CLSTN3: variants seen among roughly 807,000 people sequenced by gnomAD.
The protein encoded by CLSTN3 is calsyntenin 3, also known as calsyntenin-3.
A neutral mutation model predicts 95.9 loss-of-function variants in CLSTN3; 36 were observed. The ratio of observed to expected loss-of-function variants is 0.38; its 90% CI spans 0.29 to 0.50. The LOEUF (loss-of-function observed/expected upper bound fraction) is 0.50, where lower values mean the gene tolerates loss of function less well. Among genes scored for constraint, CLSTN3 ranks in the 20% least tolerant of loss-of-function variants. The pLI, the probability that CLSTN3 is intolerant of heterozygous loss-of-function variation, is 0.95. For missense variants in CLSTN3, 1,084 were observed against 1,268.8 expected (o/e 0.85, Z 2.21); for synonymous variants, 481 against 504.0 (o/e 0.95, Z 0.61).
rs1396713284 is a variant in CLSTN3, at chr12:7,157,771, G to A, written c.2730+80G>A. ...GGTGAGGACTCCTGAGGAGGGGCAG[G>A]CCTGGGTGGAGGCTGTTCGCAGAGC... On this transcript the variant is annotated intron_variant, in intron 17 of 17. Transcript: ENST00000266546. The surrounding 1 kb of genome is among the most constrained non-coding windows in gnomAD (Gnocchi z 5.9). 5 of 1,510,670 alleles carry A rather than the reference G, an allele frequency of 3.3e-6. No homozygotes were observed. In the South Asian group the frequency reaches 6.2e-5, roughly 19 times the overall value. 93.6% of individuals were successfully genotyped at this position (1,510,670 alleles called of 1,614,324 possible). A position where few individuals can be genotyped will look rare whatever the true frequency, so the allele number is the denominator to read the frequency against.
At chr12:7,147,014 C>T (rs1939631378) in intron 12 of CLSTN3, among the ~76,000 whole-genome samples, 3 of 152,282 alleles carry the variant, frequency 2.0e-5, no homozygotes, top group Middle Eastern at 6.8e-3. Flanking sequence ...GATGCCTTCT[C>T]CCTTTTTACT....
upstream of CLSTN3, chr12:7,130,314 C>CCG: frequency 4.5e-6 from 4 of 898,742 alleles, no homozygotes; most frequent in African/African-American, 6.2e-5. Context: ...CCCCCCCCCT[C>CCG]CCAGTCACCT....
upstream of CLSTN3, chr12:7,129,757 ATG>A (rs1407570729): frequency 1.0e-6 from 1 of 985,318 alleles, no homozygotes; most frequent in Non-Finnish European, 1.2e-6. This position sits in a 1 kb window ranked among gnomAD's most constrained non-coding sequence, Gnocchi z 5.5. Context: ...TTGGTTCATC[ATG>A]GTTTAAGGTG....
In CLSTN3 at chr12:7,141,270, C is replaced by G; in HGVS notation, c.1352C>G (p.Ala451Gly). Residue 451 changes from alanine (A) to glycine (G), a missense_variant, in exon 9 of 18, where the codon GCT becomes GGT. Transcript: ENST00000266546. The surrounding 1 kb of genome is among the most constrained non-coding windows in gnomAD (Gnocchi z 4.1). Reference sequence around the variant, plus strand: ...TGTGATGATGAGTGGCACCACTACGCTCTGAACCTCGAGTTCCCCACAGTC... The same window carrying G: ...TGTGATGATGAGTGGCACCACTACGGTCTGAACCTCGAGTTCCCCACAGTC... ...QVCDDEWHHY[A>G]LNLEFPTVTL... 2 of 1,614,186 alleles carry G rather than the reference C, an allele frequency of 1.2e-6. No homozygotes were observed. Among genetic ancestry groups the G allele is most frequent in the Non-Finnish European group, 1.7e-6 (2 of 1,180,028 alleles).
At chr12:7,129,820 C>T, upstream of CLSTN3, 1 of 985,648 alleles carries the variant, frequency 1.0e-6, no homozygotes, top group Non-Finnish European at 1.2e-6. This position sits in a 1 kb window ranked among gnomAD's most constrained non-coding sequence, Gnocchi z 5.5. Context: ...GGCGGCCGGT[C>T]CCGACAGGTG....
Position 7,157,650 on chromosome 12 carries a change from T to C in CLSTN3, c.2689T>C (p.Trp897Arg). The C allele has an allele frequency of 6.2e-7, 1 of 1,606,216 alleles. No homozygotes were observed. Among genetic ancestry groups the C allele is most frequent in the Non-Finnish European group, 8.5e-7 (1 of 1,176,246 alleles). ...TGACCCCAAGGACCCAGACCTCTTC[T>C]GGGATGACTCAGCTCTCACCATCAT... ...SSDPKDPDLF[W>R]DDSALTIIVN... Residue 897 changes from tryptophan to arginine, a missense_variant, in exon 17 of 18, where the codon TGG becomes CGG. Physicochemically the swap from Trp to Arg is moderately radical, Grantham distance 101 (BLOSUM62 -3). Coordinates refer to ENST00000266546, the MANE Select transcript of CLSTN3 (RefSeq NM_014718.4). This position sits in a 1 kb window ranked among gnomAD's most constrained non-coding sequence, Gnocchi z 5.9.
Position 7,133,937 on chromosome 12 carries a change from G to A in CLSTN3, c.383+169G>A. On this transcript the variant is annotated intron_variant, in intron 3 of 17. Coordinates refer to ENST00000266546, the MANE Select transcript of CLSTN3 (RefSeq NM_014718.4). The surrounding 1 kb of genome is among the most constrained non-coding windows in gnomAD (Gnocchi z 4.7). Reference sequence around the variant, plus strand: ...TGTTCCTAGGATTTAGGGACTTTCAGGCAAGGTGACAGAAACGTATAGTAG... The same window carrying A: ...TGTTCCTAGGATTTAGGGACTTTCAAGCAAGGTGACAGAAACGTATAGTAG... 1 of 591,810 alleles carries A rather than the reference G, an allele frequency of 1.7e-6. No homozygotes were observed. Among genetic ancestry groups the A allele is most frequent in the South Asian group, 2.3e-5 (1 of 42,790 alleles). 36.7% of individuals were successfully genotyped at this position (591,810 alleles called of 1,614,324 possible).
Position 7,158,187 on chromosome 12 carries a change from A to T in CLSTN3, c.*106A>T. The stretch of plus-strand genomic sequence containing the variant: ...GGAACACAGAGACCAAGAGGGAGAG[A>T]GGCTTCAGAACCAGTCCTCCTTTCA... On this transcript the variant is annotated 3_prime_UTR_variant, in exon 18 of 18. Coordinates refer to ENST00000266546, the MANE Select transcript of CLSTN3 (RefSeq NM_014718.4). The T allele has an allele frequency of 7.4e-7, 1 of 1,345,234 alleles. No homozygotes were observed. The highest frequency in any genetic ancestry group is 1.5e-5 in the African/African-American group (1 of 67,618). The allele number at this position is 1,345,234 out of a possible 1,614,324, so 83.3% of individuals were successfully genotyped here. A position where few individuals can be genotyped will look rare whatever the true frequency, so the allele number is the denominator to read the frequency against.
rs1939687987 is a variant in CLSTN3 at position 7,149,585 on chromosome 12, G to T, written c.2137G>T (p.Val713Leu). 1 of 1,614,154 alleles carries T rather than the reference G, an allele frequency of 6.2e-7. No individual in the cohort carries two copies. The highest frequency in any genetic ancestry group is 1.3e-5 in the African/African-American group (1 of 75,022). ...HNLDGCEISL[V>L]GDDLDPERES... ...CCTGGATGGCTGTGAAATTTCTCTGGTGGGGGATGACCTGGATCCCGAGCG... is the reference window on the plus strand; with the variant it reads ...CCTGGATGGCTGTGAAATTTCTCTGTTGGGGGATGACCTGGATCCCGAGCG... The change falls in exon 14 of 18, where the codon GTG becomes TTG. Residue 713 changes from valine to leucine, a missense_variant. Coordinates refer to ENST00000266546, the MANE Select transcript of CLSTN3 (RefSeq NM_014718.4). This position sits in a 1 kb window ranked among gnomAD's most constrained non-coding sequence, Gnocchi z 4.5.
chr12:7,142,771 C>A, intron 10 of CLSTN3, 98 bp from the exon 11 acceptor site: 4 of 655,558 alleles, frequency 6.1e-6, no homozygotes, highest in Non-Finnish European at 6.9e-6. Flanking sequence ...TTTCTCAACT[C>A]TTCTGCTCTT....
rs1939834859 is a variant in CLSTN3, at chr12:7,157,333, T to G, written c.2528-156T>G. The stretch of plus-strand genomic sequence containing the variant: ...GCCCTTCCTGGTGGGCTGTTTCTCT[T>G]CTGGCTTCTCCAGGTGTTCCTCTCT... On this transcript the variant is annotated intron_variant, in intron 16 of 17. Transcript: ENST00000266546. The surrounding 1 kb of genome is among the most constrained non-coding windows in gnomAD (Gnocchi z 5.9). Among the ~76,000 whole-genome samples, 1 of 152,158 alleles carries G rather than the reference T, an allele frequency of 6.6e-6. No homozygotes were observed. The highest frequency in any genetic ancestry group is 2.4e-5 in the African/African-American group (1 of 41,418).
At chr12:7,155,757 C>T (rs376609352) in intron 16 of CLSTN3, 8 of 169,992 alleles carry the variant, frequency 4.7e-5, no homozygotes, top group African/African-American at 7.2e-5. Flanking sequence ...CAGCAGAGTC[C>T]GTTCTAATTG....
At chr12:7,132,948 G>T (rs368483458) in intron 1 of CLSTN3, 76 bp from the exon 2 acceptor site, 9 of 1,598,996 alleles carry the variant, frequency 5.6e-6, no homozygotes, top group Admixed American at 1.7e-5. Flanking sequence ...TGAGTTGTCT[G>T]GGTCAACAAG....
Position 7,150,646 on chromosome 12 carries a change from C to T in CLSTN3, c.2348C>T (p.Ser783Leu), listed in dbSNP as rs747617482. The change falls in exon 15 of 18, where the codon TCG (serine) becomes TTG (leucine). Residue 783 changes from serine to leucine, a missense_variant. By Grantham distance (145) the Ser-to-Leu change is moderately radical (BLOSUM62 -2). Transcript: ENST00000266546. This position sits in a 1 kb window ranked among gnomAD's most constrained non-coding sequence, Gnocchi z 4.0. ...ACCAGGAAGTTCCGGCTTTCCTGCT[C>T]GGAAATGAATGGCCGTTACTCCAGC... is the stretch of plus-strand genomic sequence containing the variant. Reference protein sequence around the residue: ...LYTRKFRLSCSEMNGRYSSNE... With the variant: ...LYTRKFRLSCLEMNGRYSSNE... The T allele has an allele frequency of 6.8e-6, 11 of 1,614,024 alleles. No individual in the cohort carries two copies. Among genetic ancestry groups the T allele is most frequent in the Middle Eastern group, 1.6e-4 (1 of 6,084 alleles).
chr12:7,144,708 C>G (rs1334932236), intron 12 of CLSTN3, among the ~76,000 whole-genome samples: 1 of 152,136 alleles, frequency 6.6e-6, no homozygotes, highest in African/African-American at 2.4e-5. Flanking sequence ...TCTCTGTGAG[C>G]TATATGAAGA....
At chr12:7,143,456 C>CTTCAGTGGTCA in intron 12 of CLSTN3, 145 bp downstream of exon 12, 3 of 814,062 alleles carry the variant, frequency 3.7e-6, no homozygotes, top group Non-Finnish European at 5.7e-6. Context: ...GACAATTGAC[C>CTTCAGTGGTCA]ACTGAAGGTC....
intron 16 of CLSTN3, among the ~76,000 whole-genome samples, chr12:7,153,995 C>T (rs1028418098): frequency 6.6e-6 from 1 of 152,208 alleles, no homozygotes; most frequent in Non-Finnish European, 1.5e-5. Context: ...GTTCTGAGCT[C>T]ATGTCCAGGC....
intron 3 of CLSTN3, among the ~76,000 whole-genome samples, chr12:7,134,317 G>A (rs1226757936): frequency 6.6e-6 from 1 of 152,204 alleles, no homozygotes; most frequent in Non-Finnish European, 1.5e-5. Context: ...GTGGGCAGGC[G>A]ATGGTTGTAG....
intron 10 of CLSTN3, 111 bp downstream of exon 10, chr12:7,142,250 C>T: frequency 1.1e-6 from 1 of 883,842 alleles, no homozygotes; most frequent in Non-Finnish European, 1.8e-6. Context: ...TCCTAGGCCA[C>T]CAGGGGGCAG....
Sources: allele counts gnomAD v4.1 joint callset (sites outside exome capture counted in the v4.1 genomes callset), GRCh38; gene constraint gnomAD v4.1.1; non-coding constraint Gnocchi (gnomAD v3.1); transcripts MANE v1.5; gene names NCBI Gene and HGNC (gene_info 2026-07-23, HGNC 2026-07-21).